The following MYO18A variants were observed in gnomAD, a reference collection of about 807,000 sequenced individuals.
MYO18A encodes the protein myosin XVIIIA.
A neutral mutation model predicts 235.8 loss-of-function variants in MYO18A; 78 were observed. That is an observed-to-expected ratio of 0.33 (90% CI 0.28 to 0.40). The LOEUF (loss-of-function observed/expected upper bound fraction) is 0.40. Ranked by LOEUF, MYO18A falls within the 10% of genes least tolerant of loss-of-function variation. MYO18A has a pLI of 1.00. For missense variants in MYO18A, 2,215 were observed against 2,699.3 expected, an observed-to-expected ratio of 0.82 and a Z score of 3.98; for synonymous variants, 977 against 1,077.8, an observed-to-expected ratio of 0.91 and a Z score of 1.83.
rs1488551057 is a variant in MYO18A, at chr17:29,073,851, C to G, written c.*919G>C. 1 of 1,583,030 alleles carries G rather than the reference C, an allele frequency of 6.3e-7. No homozygotes were observed. Among genetic ancestry groups the G allele is most frequent in the Non-Finnish European group, 8.6e-7 (1 of 1,157,502 alleles). On this transcript the variant is annotated 3_prime_UTR_variant, in exon 42 of 42. Transcript: ENST00000527372. The stretch of plus-strand genomic sequence containing the variant: ...TCTTCAGTTTTTCTGATCACAAGTC[C>G]TCAACCCCAAGCCTTCCCTCTCAAG...
chr17:29,080,015 C>CGGAGCCGGAGCT (rs1568034883), intron 41 of MYO18A: 3 of 985,936 alleles, frequency 3.0e-6, no homozygotes, highest in East Asian at 1.1e-4. Flanking sequence ...GAGGAAGCTT[C>CGGAGCCGGAGCT]GGAGCCGGAG....
intron 2 of MYO18A, among the ~76,000 whole-genome samples, chr17:29,163,410 A>G (rs908277971): frequency 6.6e-6 from 1 of 152,176 alleles, no homozygotes; most frequent in South Asian, 2.1e-4. Flanking sequence ...TTTCAGCCCT[A>G]TGTGTCTCCT....
At chr17:29,168,615 C>T (rs1373615395) in intron 1 of MYO18A, among the ~76,000 whole-genome samples, 2 of 152,264 alleles carry the variant, frequency 1.3e-5, no homozygotes, top group Admixed American at 6.5e-5. Flanking sequence ...CAGGGCCCTC[C>T]GGGATCCCCA....
rs1178095242 is a variant in MYO18A at position 29,099,767 on chromosome 17, G to GAA, written c.3508-7_3508-6dup. On this transcript the variant is annotated splice_polypyrimidine_tract_variant and splice_region_variant and intron_variant, in intron 21 of 41. Coordinates refer to ENST00000527372, the MANE Select transcript of MYO18A (RefSeq NM_078471.4). ...GGTGCCCGCCCGGAAGAACACCTGT[G>GAA]AAAAAGCAGGCCAGGTGAAGGCAGG... 6.2e-7 allele frequency: 1 copy of GAA among 1,610,928 alleles called. No individual in the cohort carries two copies. The highest frequency in any genetic ancestry group is 8.5e-7 in the Non-Finnish European group (1 of 1,179,122).
chr17:29,127,733 C>T (rs1027599367), intron 2 of MYO18A: 1 of 469,468 alleles, frequency 2.1e-6, no homozygotes, highest in Non-Finnish European at 2.8e-6. Flanking sequence ...CGACCCTGGG[C>T]CCAGCCTCTC....
At chr17:29,157,498 T>A (rs1442264544) in intron 2 of MYO18A, among the ~76,000 whole-genome samples, 1 of 152,220 alleles carries the variant, frequency 6.6e-6, no homozygotes, top group Non-Finnish European at 1.5e-5. Flanking sequence ...CTCTCCCCTA[T>A]ACAGCAGACT....
chr17:29,135,276 ATT>A (rs1254493907), intron 2 of MYO18A, among the ~76,000 whole-genome samples: 6 of 151,486 alleles, frequency 4.0e-5, no homozygotes, highest in Non-Finnish European at 5.9e-5. Flanking sequence ...AATTTTTTGT[ATT>A]TTTTTAGTAG....
At position 29,080,583 on chromosome 17, in the gene MYO18A, G is replaced by C. The variant is rs900300561; in HGVS notation, c.6020+1733C>G. On this transcript the variant is annotated intron_variant, in intron 41 of 41. Coordinates refer to ENST00000527372, the MANE Select transcript of MYO18A (RefSeq NM_078471.4). ...GCCGGGAGGTGCTGCGGCGGGAACC[G>C]GGCGAGCCCGACAGCGAGAAACTCA... 3 of 985,718 alleles carry C rather than the reference G, an allele frequency of 3.0e-6. No homozygotes were observed. The African/African-American group carries it at 5.2e-5, about 17-fold the overall frequency. 61.1% of individuals were successfully genotyped at this position (985,718 alleles called of 1,614,324 possible). A position where few individuals can be genotyped will look rare whatever the true frequency, so the allele number is the denominator to read the frequency against.
At chr17:29,127,939 C>T (rs1264589629) in intron 2 of MYO18A, 27 of 999,370 alleles carry the variant, frequency 2.7e-5, no homozygotes, top group Non-Finnish European at 3.2e-5. Context: ...GGGTCACCAG[C>T]TCTTCCGGTG....
chr17:29,166,360 G>A lies in MYO18A; in HGVS notation c.581C>T (p.Pro194Leu), dbSNP rs775971888. 7.3e-5 allele frequency: 118 copies of A among 1,613,148 alleles called. No homozygotes were observed. The highest frequency in any genetic ancestry group is 9.2e-5 in the Non-Finnish European group (109 of 1,179,876). ...IPRPGHRSRA[P>L]ELVTKKFPVD... is the part of the protein sequence containing the mutation. ...TGGGAACTTTTTAGTCACTAGCTCA[G>A]GGGCTCGGGATCGGTGCCCTGGTCG... is the stretch of plus-strand genomic sequence containing the variant. The change falls in exon 2 of 42, where the codon CCT (proline) becomes CTT (leucine). Residue 194 changes from proline to leucine, a missense_variant. Transcript: ENST00000527372.
Position 29,110,554 on chromosome 17 carries a change from C to A in MYO18A, c.2969G>T (p.Gly990Val), listed in dbSNP as rs777514245. 6.2e-7 allele frequency: 1 copy of A among 1,612,182 alleles called. No individual in the cohort carries two copies. Among genetic ancestry groups the A allele is most frequent in the African/African-American group, 1.3e-5 (1 of 75,034 alleles). The change falls in exon 18 of 42, where the codon GGC (glycine) becomes GTC (valine). Residue 990 changes from glycine to valine, a missense_variant. Coordinates refer to ENST00000527372, the MANE Select transcript of MYO18A (RefSeq NM_078471.4). The stretch of plus-strand genomic sequence containing the variant: ...TGCCAGCTGCGAGCCGCCCTCCAGG[C>A]CCGCGATGGAGCCAGAGAGCACCGT... ...SATVLSGSIA[G>V]LEGGSQLALR...
intron 21 of MYO18A, among the ~76,000 whole-genome samples, chr17:29,103,097 C>T (rs936490769): frequency 6.6e-6 from 1 of 152,258 alleles, no homozygotes; most frequent in Non-Finnish European, 1.5e-5. Context: ...TTACGCATGG[C>T]GTTCCATTCA....
In MYO18A at chr17:29,074,036, C is replaced by CCA. The variant is rs781476992; in HGVS notation, c.*732_*733dup. On this transcript the variant is annotated 3_prime_UTR_variant, in exon 42 of 42. Coordinates refer to ENST00000527372, the MANE Select transcript of MYO18A (RefSeq NM_078471.4). This position sits in a 1 kb window ranked among gnomAD's most constrained non-coding sequence, Gnocchi z 4.4. ...GGTGGGGGCTGGAGGTGCGGATGGT[C>CCA]CACACACACACTTGTCTGCGTAGGC... The CCA allele has an allele frequency of 6.2e-7, 1 of 1,613,952 alleles. No homozygotes were observed. The highest frequency in any genetic ancestry group is 8.5e-7 in the Non-Finnish European group (1 of 1,179,992).
Position 29,118,683 on chromosome 17 carries a change from C to T in MYO18A, c.1830-243G>A, listed in dbSNP as rs2067130473. 6.6e-6 allele frequency among the ~76,000 whole-genome samples: 1 copy of T among 152,230 alleles called. No homozygotes were observed. Among genetic ancestry groups the T allele is most frequent in the Non-Finnish European group, 1.5e-5 (1 of 68,038 alleles). On this transcript the variant is annotated intron_variant, in intron 8 of 41. Coordinates refer to ENST00000527372, the MANE Select transcript of MYO18A (RefSeq NM_078471.4). This position sits in a 1 kb window ranked among gnomAD's most constrained non-coding sequence, Gnocchi z 4.2. ...CCCTGGTGAGAGGATGCAACCTGGC[C>T]CCCGGAAGGGAGCAGGGAACCTGCC...
intron 13 of MYO18A, 90 bp from the exon 14 acceptor site, chr17:29,115,189 C>T (rs114651682): frequency 6.8e-7 from 1 of 1,466,052 alleles, no homozygotes; most frequent in African/African-American, 1.4e-5. Flanking sequence ...TCTATCCCTG[C>T]CCAGGACCCT....
At chr17:29,128,240 C>T (rs1165138292) in intron 2 of MYO18A, 3 of 1,165,322 alleles carry the variant, frequency 2.6e-6, no homozygotes, top group African/African-American at 1.7e-5. Context: ...TGCCTTTTCT[C>T]CCCTCTTGCT....
chr17:29,095,867 C>T (rs774939732), intron 28 of MYO18A, among the ~76,000 whole-genome samples: 10 of 152,072 alleles, frequency 6.6e-5, no homozygotes, highest in Non-Finnish European at 1.5e-4. Flanking sequence ...GTAACTAGGC[C>T]GAGCTGGCAA....
Position 29,140,391 on chromosome 17 carries a change from C to G in MYO18A, c.1000-18138G>C. On this transcript the variant is annotated intron_variant, in intron 2 of 41. Transcript: ENST00000527372. The surrounding 1 kb of genome is among the most constrained non-coding windows in gnomAD (Gnocchi z 4.2). ...AGAGCAAGGAGACTCCGCTCTGATGCTGCTCTGGCTCCGTTAGCAGCTCAA... is the reference window on the plus strand; with the variant it reads ...AGAGCAAGGAGACTCCGCTCTGATGGTGCTCTGGCTCCGTTAGCAGCTCAA... The G allele has an allele frequency of 7.8e-7, 1 of 1,284,262 alleles. No homozygotes were observed. Among genetic ancestry groups the G allele is most frequent in the South Asian group, 1.2e-5 (1 of 80,384 alleles). The allele number at this position is 1,284,262 out of a possible 1,614,324, so 79.6% of individuals were successfully genotyped here.
At position 29,117,973 on chromosome 17, in the gene MYO18A, C is replaced by A; in HGVS notation, c.2038+72G>T. The A allele has an allele frequency of 6.7e-7, 1 of 1,502,540 alleles. No individual in the cohort carries two copies. Among genetic ancestry groups the A allele is most frequent in the South Asian group, 1.2e-5 (1 of 81,076 alleles). 93.1% of individuals were successfully genotyped at this position (1,502,540 alleles called of 1,614,324 possible). A position where few individuals can be genotyped will look rare whatever the true frequency, so the allele number is the denominator to read the frequency against. ...TAAGTCTGTGCTGGGCAAGAATAAA[C>A]TGGGAGTGGGCAGGGTCCCTGTGAG... On this transcript the variant is annotated intron_variant, in intron 10 of 41. Coordinates refer to ENST00000527372, the MANE Select transcript of MYO18A (RefSeq NM_078471.4). The surrounding 1 kb of genome is among the most constrained non-coding windows in gnomAD (Gnocchi z 4.6).
Sources: gnomAD v4.1 joint callset for allele counts (sites outside exome capture counted in the v4.1 genomes callset) on GRCh38, gnomAD v4.1.1 for gene constraint, Gnocchi (gnomAD v3.1) non-coding constraint, MANE v1.5 for transcripts, NCBI Gene and HGNC (gene_info 2026-07-23, HGNC 2026-07-21) for gene names.